The following RASGRP1 variants were observed in gnomAD, a reference collection of about 807,000 sequenced individuals.
The protein encoded by RASGRP1 is RAS guanyl-releasing protein 1.
A neutral mutation model predicts 95.1 loss-of-function variants in RASGRP1; 37 were observed. The ratio of observed to expected loss-of-function variants is 0.39; its 90% CI spans 0.30 to 0.51. RASGRP1 has a LOEUF of 0.51. Among genes scored for constraint, RASGRP1 ranks in the 20% least tolerant of loss-of-function variants. RASGRP1 has a pLI of 0.80. For missense variants in RASGRP1, 711 were observed against 965.4 expected, an observed-to-expected ratio of 0.74 and a Z score of 3.49; for synonymous variants, 325 against 353.4, an observed-to-expected ratio of 0.92 and a Z score of 0.90.
intron 12 of RASGRP1, 173 bp from the exon 13 acceptor site, chr15:38,501,460 G>A: frequency 1.2e-6 from 1 of 823,248 alleles, no homozygotes; most frequent in South Asian, 1.4e-5. Context: ...GATACAAGAT[G>A]ACATGTGGTA....
At chr15:38,499,871 G>C (rs1890945740) in intron 14 of RASGRP1, among the ~76,000 whole-genome samples, 2 of 152,060 alleles carry the variant, frequency 1.3e-5, no homozygotes, top group Non-Finnish European at 2.9e-5. Flanking sequence ...GCTTCATAAG[G>C]GCTTTTCCCC....
intron 2 of RASGRP1, among the ~76,000 whole-genome samples, 177 bp downstream of exon 2, chr15:38,559,644 A>G (rs957985053): frequency 6.6e-6 from 1 of 152,174 alleles, no homozygotes; most frequent in Non-Finnish European, 1.5e-5. Flanking sequence ...ATCACGACCT[A>G]TTACACCCAC....
intron 2 of RASGRP1, among the ~76,000 whole-genome samples, chr15:38,542,826 T>C (rs562115521): frequency 5.2e-4 from 69 of 132,026 alleles, no homozygotes; most frequent in African/African-American, 8.5e-4. Context: ...GATATATACA[T>C]ATATATGTGT....
Position 38,516,177 on chromosome 15 carries a change from C to T in RASGRP1, c.675+20G>A. On this transcript the variant is annotated intron_variant, in intron 6 of 16. Coordinates refer to ENST00000310803, the MANE Select transcript of RASGRP1 (RefSeq NM_005739.4). ...GAAATATCCCAGGGAAGATTTTTCT[C>T]CTGCCCCTTGCATACATACCGATAT... The T allele has an allele frequency of 6.4e-7, 1 of 1,557,576 alleles. No individual in the cohort carries two copies. The highest frequency in any genetic ancestry group is 8.8e-7 in the Non-Finnish European group (1 of 1,130,216).
At chr15:38,504,110 C>T (rs1891155770) in intron 10 of RASGRP1, 3 of 152,036 alleles carry the variant, frequency 2.0e-5, no homozygotes, top group East Asian at 1.9e-4. Context: ...TTTAATGTTA[C>T]ACCTGTATAG....
intron 3 of RASGRP1, among the ~76,000 whole-genome samples, chr15:38,519,947 G>A (rs1891938140): frequency 6.6e-6 from 1 of 152,184 alleles, no homozygotes; most frequent in South Asian, 2.1e-4. Flanking sequence ...CTCATAGATT[G>A]TAACGGCAAG....
At chr15:38,515,198 G>C (rs1157528488) in intron 6 of RASGRP1, among the ~76,000 whole-genome samples, 1 of 152,228 alleles carries the variant, frequency 6.6e-6, no homozygotes, top group Non-Finnish European at 1.5e-5. Flanking sequence ...AGAGAGGCAT[G>C]TAGTCCTAGC....
At chr15:38,539,912 G>A (rs533837822) in intron 2 of RASGRP1, among the ~76,000 whole-genome samples, 158 of 152,092 alleles carry the variant, frequency 1.0e-3, no homozygotes, top group African/African-American at 3.4e-3. Context: ...CATCTTTGCC[G>A]TTTGTTTTTA....
intron 2 of RASGRP1, among the ~76,000 whole-genome samples, chr15:38,531,375 C>T (rs940141032): frequency 1.3e-5 from 2 of 152,188 alleles, no homozygotes; most frequent in Non-Finnish European, 2.9e-5. Context: ...CTGAGCTTTA[C>T]GAACTCTTCC....
intron 12 of RASGRP1, among the ~76,000 whole-genome samples, chr15:38,501,940 C>T (rs763103937): frequency 1.1e-4 from 17 of 151,728 alleles, no homozygotes; most frequent in South Asian, 2.1e-4. Context: ...CTGCAACCTC[C>T]GCCTCCTGGG....
chr15:38,552,772 T>A (rs151232432), intron 2 of RASGRP1, among the ~76,000 whole-genome samples: 5 of 152,348 alleles, frequency 3.3e-5, no homozygotes, highest in African/African-American at 1.2e-4. Context: ...CTTGCAAAAT[T>A]CCTGAAAATT....
chr15:38,542,897 A>ATATATACACATATATGTG (rs1566933533), intron 2 of RASGRP1, among the ~76,000 whole-genome samples: 1 of 139,528 alleles, frequency 7.2e-6, no homozygotes, highest in South Asian at 2.3e-4. Flanking sequence ...ATATATGTGT[A>ATATATACACATATATGTG]TATATATACA....
At position 38,526,298 on chromosome 15, in the gene RASGRP1, T is replaced by C; in HGVS notation, c.326+1A>G. 1 of 1,609,684 alleles carries C rather than the reference T, an allele frequency of 6.2e-7. No homozygotes were observed. Among genetic ancestry groups the C allele is most frequent in the Non-Finnish European group, 8.5e-7 (1 of 1,176,162 alleles). ...TTGCCAGTCACTATGTTAAAGGATA[T>C]AGGGTGATAACTTTTTGGAGCAGTT... is the stretch of plus-strand genomic sequence containing the variant. On this transcript the variant is annotated splice_donor_variant, in intron 3 of 16. Coordinates refer to ENST00000310803, the MANE Select transcript of RASGRP1 (RefSeq NM_005739.4). LOFTEE classifies it high-confidence loss of function.
chr15:38,541,602 A>AT (rs1491072732), intron 2 of RASGRP1, among the ~76,000 whole-genome samples: 4 of 151,634 alleles, frequency 2.6e-5, no homozygotes, highest in African/African-American at 9.7e-5. Context: ...TTATTCATTC[A>AT]TATATATATA....
intron 1 of RASGRP1, among the ~76,000 whole-genome samples, chr15:38,564,062 C>G (rs1893923041): frequency 6.6e-6 from 1 of 152,206 alleles, no homozygotes; most frequent in Non-Finnish European, 1.5e-5. Context: ...GCTTCCCATA[C>G]GGAAGGCGAT....
At chr15:38,533,061 CG>C (rs34080558) in intron 2 of RASGRP1, among the ~76,000 whole-genome samples, 1 of 152,156 alleles carries the variant, frequency 6.6e-6, no homozygotes, top group Non-Finnish European at 1.5e-5. Context: ...GCAGCAACTC[CG>C]GAACAGTCAC....
At chr15:38,516,573 A>C (rs974225386) in intron 5 of RASGRP1, among the ~76,000 whole-genome samples, 1 of 152,038 alleles carries the variant, frequency 6.6e-6, no homozygotes, top group Non-Finnish European at 1.5e-5. Flanking sequence ...TTAAGTGTGC[A>C]GTTGGGTACA....
intron 2 of RASGRP1, among the ~76,000 whole-genome samples, chr15:38,527,349 C>T (rs1051953404): frequency 6.6e-6 from 1 of 152,120 alleles, no homozygotes; most frequent in Admixed American, 6.5e-5. Flanking sequence ...TGACACCACT[C>T]CCCTGACAGT....
intron 2 of RASGRP1, among the ~76,000 whole-genome samples, chr15:38,526,975 G>A (rs1892248920): frequency 6.6e-6 from 1 of 152,102 alleles, no homozygotes; most frequent in African/African-American, 2.4e-5. Flanking sequence ...AAGACTATGG[G>A]CAAACATTAC....
Sources: gnomAD v4.1 joint callset for allele counts (sites outside exome capture counted in the v4.1 genomes callset) on GRCh38, gnomAD v4.1.1 for gene constraint, MANE v1.5 for transcripts, NCBI Gene and HGNC (gene_info 2026-07-23, HGNC 2026-07-21) for gene names.